The following SPATA13 variants were observed in gnomAD, a reference collection of about 807,000 sequenced individuals.
SPATA13 encodes the protein spermatogenesis-associated protein 13.
Under a neutral mutation model 104.0 loss-of-function variants are expected in SPATA13, and 50 were observed. The observed-to-expected ratio is 0.48, with a 90% CI of 0.38 to 0.61. The LOEUF is 0.61. Ranked by LOEUF, SPATA13 falls within the 20% of genes least tolerant of loss-of-function variation. SPATA13 has a pLI of 0.00. For synonymous variants in SPATA13, 606 were observed against 667.5 expected (o/e 0.91, Z 1.42); for missense variants, 1,524 against 1,690.6 (o/e 0.90, Z 1.73).
chr13:24,138,750 ATT>A (rs11354139), intron 3 of SPATA13, among the ~76,000 whole-genome samples: 148 of 112,620 alleles, frequency 1.3e-3, no homozygotes, highest in South Asian at 0.012. Flanking sequence ...CCCCTGGCTA[ATT>A]TTTTTTTTTT....
chr13:23,988,742 A>C (rs1401140776), intron 2 of SPATA13, among the ~76,000 whole-genome samples: 2 of 152,226 alleles, frequency 1.3e-5, no homozygotes, highest in African/African-American at 4.8e-5. Context: ...ATTTTGAATG[A>C]ACTCTGAATG....
intron 2 of SPATA13, among the ~76,000 whole-genome samples, chr13:24,235,294 G>A (rs1374807564): frequency 2.6e-5 from 4 of 152,160 alleles, no homozygotes; most frequent in Non-Finnish European, 5.9e-5. Context: ...CAATCAACTC[G>A]GGAAAATGAC....
At chr13:24,296,799 T>G (rs918732138) in intron 10 of SPATA13, among the ~76,000 whole-genome samples, 4 of 151,232 alleles carry the variant, frequency 2.6e-5, no homozygotes, top group African/African-American at 9.7e-5. Context: ...ATTTTTCTAG[T>G]AAGCAGGAAA....
intron 3 of SPATA13, among the ~76,000 whole-genome samples, chr13:24,037,885 C>T (rs1041861740): frequency 6.6e-6 from 1 of 151,874 alleles, no homozygotes; most frequent in African/African-American, 2.4e-5. Context: ...TCCTCCTTTC[C>T]CCCCAGTAAA....
rs547382336 is a variant in SPATA13, at chr13:24,251,512, G to A, written c.2020-206G>A. ...GATGAAACATGAGGCTGCAGGGTGC[G>A]GGCCAGTAAGCTGATCAGGATTGTT... On this transcript the variant is annotated intron_variant, in intron 3 of 12. Transcript: ENST00000382108. 1.8e-5 allele frequency: 18 copies of A among 985,272 alleles called. No individual in the cohort carries two copies. The South Asian group carries it at 2.8e-4, about 15-fold the overall frequency. The allele number at this position is 985,272 out of a possible 1,614,324, so 61.0% of individuals were successfully genotyped here.
intron 3 of SPATA13, among the ~76,000 whole-genome samples, chr13:24,120,578 A>G (rs1881002511): frequency 6.6e-6 from 1 of 151,284 alleles, no homozygotes; most frequent in African/African-American, 2.5e-5. Context: ...CCACTATACC[A>G]CCCTCTGCCT....
chr13:24,225,830 C>T (rs1028345342), intron 2 of SPATA13, among the ~76,000 whole-genome samples: 2 of 152,190 alleles, frequency 1.3e-5, no homozygotes, highest in Non-Finnish European at 2.9e-5. Flanking sequence ...TTGTTGCAGC[C>T]CCTTTAACTC....
At chr13:24,006,829 T>A (rs1467825761) in intron 2 of SPATA13, among the ~76,000 whole-genome samples, 12 of 152,160 alleles carry the variant, frequency 7.9e-5, no homozygotes, top group Admixed American at 7.2e-4. Context: ...GATTTTACTC[T>A]AAGAGCGCAG....
intron 3 of SPATA13, among the ~76,000 whole-genome samples, chr13:24,079,412 G>A (rs1879436003): frequency 6.6e-6 from 1 of 152,226 alleles, no homozygotes; most frequent in African/African-American, 2.4e-5. Context: ...AGAATGGATT[G>A]CAGAGAAGTC....
chr13:24,074,413 G>A (rs923449798), intron 3 of SPATA13, among the ~76,000 whole-genome samples: 1 of 152,080 alleles, frequency 6.6e-6, no homozygotes, highest in Non-Finnish European at 1.5e-5. Flanking sequence ...TCCATTGATG[G>A]ACACTTGGGT....
At position 24,205,495 on chromosome 13, in the gene SPATA13, A is replaced by T. The variant is rs948605240; in HGVS notation, c.-111-17324A>T. 1.3e-5 allele frequency among the ~76,000 whole-genome samples: 2 copies of T among 152,238 alleles called. No homozygotes were observed. The highest frequency in any genetic ancestry group is 2.9e-5 in the Non-Finnish European group (2 of 68,042). On this transcript the variant is annotated intron_variant, in intron 1 of 12. Coordinates refer to ENST00000382108, the MANE Select transcript of SPATA13 (RefSeq NM_001166271.3). This position sits in a 1 kb window ranked among gnomAD's most constrained non-coding sequence, Gnocchi z 4.1. Reference sequence around the variant, plus strand: ...GATAGGAGGAATCAATATCATAAAAATGGCCATACTGCTCAAAGCAATTTA... The same window carrying T: ...GATAGGAGGAATCAATATCATAAAATTGGCCATACTGCTCAAAGCAATTTA...
At chr13:24,243,451 G>T (rs1033172031) in intron 2 of SPATA13, among the ~76,000 whole-genome samples, 30 of 152,196 alleles carry the variant, frequency 2.0e-4, no homozygotes, top group African/African-American at 7.2e-4. Flanking sequence ...TTTTCCTTCT[G>T]TAAAAGTACA....
intron 11 of SPATA13, among the ~76,000 whole-genome samples, chr13:24,298,396 G>A (rs1876943363): frequency 6.6e-6 from 1 of 152,218 alleles, no homozygotes; most frequent in Admixed American, 6.5e-5. Flanking sequence ...TTCACACCCA[G>A]TGTTACATTT....
intron 7 of SPATA13, among the ~76,000 whole-genome samples, chr13:24,287,483 C>T (rs73455737): frequency 1.4e-3 from 209 of 152,340 alleles, no homozygotes; most frequent in African/African-American, 4.9e-3. Flanking sequence ...GTGCACTCTG[C>T]AACTATCTCT....
At chr13:24,272,610 G>T (rs534046636) in intron 4 of SPATA13, 6 of 152,366 alleles carry the variant, frequency 3.9e-5, no homozygotes, top group Admixed American at 3.9e-4. Flanking sequence ...CCATGTCAGG[G>T]AGGGCGGGTT....
intron 3 of SPATA13, among the ~76,000 whole-genome samples, chr13:24,078,310 T>G (rs958022965): frequency 1.3e-5 from 2 of 152,230 alleles, no homozygotes; most frequent in African/African-American, 4.8e-5. Context: ...AGTTTTCCTG[T>G]GTTTGAAATG....
chr13:24,122,252 T>C, intron 3 of SPATA13: 2 of 1,314,142 alleles, frequency 1.5e-6, no homozygotes, highest in Non-Finnish European at 2.2e-6. Flanking sequence ...CAGAGCCTGA[T>C]ACCACACAGG....
In SPATA13 at chr13:24,206,745, A is replaced by T. The variant is rs193298596; in HGVS notation, c.-111-16074A>T. Among the ~76,000 whole-genome samples, 282 of 152,256 alleles carry T rather than the reference A, an allele frequency of 1.9e-3. 1 individual carries two copies. The highest frequency in any genetic ancestry group is 2.6e-3 in the Non-Finnish European group (175 of 68,004). On this transcript the variant is annotated intron_variant, in intron 1 of 12. Transcript: ENST00000382108. ...TGTCTCTACTAAAAATACAAAAATT[A>T]GCCAGACGTGTTGGGATGTGCCTGT...
At chr13:24,248,071 A>G (rs1172800008) in intron 2 of SPATA13, among the ~76,000 whole-genome samples, 3 of 152,116 alleles carry the variant, frequency 2.0e-5, no homozygotes, top group Non-Finnish European at 2.9e-5. Flanking sequence ...TCTGTAGGTA[A>G]GGTTCAGGGG....
Sources: allele counts gnomAD v4.1 joint callset (sites outside exome capture counted in the v4.1 genomes callset), GRCh38; gene constraint gnomAD v4.1.1; non-coding constraint Gnocchi (gnomAD v3.1); transcripts MANE v1.5; gene names NCBI Gene and HGNC (gene_info 2026-07-23, HGNC 2026-07-21).